ANKRD28: variants seen among roughly 807,000 people sequenced by gnomAD.
The protein encoded by ANKRD28 is serine/threonine-protein phosphatase 6 regulatory ankyrin repeat subunit A.
A neutral mutation model predicts 126.5 loss-of-function variants in ANKRD28; 44 were observed. That is an observed-to-expected ratio of 0.35 (90% CI 0.27 to 0.45). The LOEUF (loss-of-function observed/expected upper bound fraction) is 0.45. Among genes scored for constraint, ANKRD28 ranks in the 20% least tolerant of loss-of-function variants. The pLI is 1.00. For synonymous variants in ANKRD28, 442 were observed against 468.5 expected (o/e 0.94, Z 0.73); for missense variants, 1,110 against 1,316.6 (o/e 0.84, Z 2.43).
intron 2 of ANKRD28, among the ~76,000 whole-genome samples, chr3:15,783,736 A>G (rs1353802045): frequency 6.6e-6 from 1 of 152,044 alleles, no homozygotes; most frequent in African/African-American, 2.4e-5. Context: ...TCTCAAAATA[A>G]TTATGCTGAA....
At chr3:15,741,697 CTTTTTTTTTTTTTTTTTTTTTTTT>C (rs58655271) in intron 4 of ANKRD28, among the ~76,000 whole-genome samples, 18 of 33,640 alleles carry the variant, frequency 5.4e-4, no homozygotes, top group Admixed American at 1.0e-3. Context: ...TGGTTCTATC[CTTTTTTTTTTTTTTTTTTTTTTTT>C]TTTTTTTTTT....
chr3:15,752,139 T>TA (rs987401399), intron 3 of ANKRD28, among the ~76,000 whole-genome samples: 2 of 152,152 alleles, frequency 1.3e-5, no homozygotes, highest in South Asian at 2.1e-4. Flanking sequence ...GAATGTGTGT[T>TA]AAAAAAATCA....
intron 14 of ANKRD28, among the ~76,000 whole-genome samples, chr3:15,704,070 A>G (rs2071004021): frequency 6.6e-6 from 1 of 152,176 alleles, no homozygotes; most frequent in African/African-American, 2.4e-5. Context: ...GACCCACATG[A>G]CATCCTGCTC....
intron 1 of ANKRD28, among the ~76,000 whole-genome samples, chr3:15,796,155 C>T (rs2060264986): frequency 1.3e-5 from 2 of 152,064 alleles, no homozygotes; most frequent in South Asian, 4.1e-4. Context: ...TACTAATTCT[C>T]AAATTATTTT....
Position 15,675,925 on chromosome 3 carries a change from C to A in ANKRD28, c.2938G>T (p.Ala980Ser). 6.2e-7 allele frequency: 1 copy of A among 1,612,990 alleles called. No homozygotes were observed. Among genetic ancestry groups the A allele is most frequent in the Non-Finnish European group, 8.5e-7 (1 of 1,179,176 alleles). Residue 980 changes from alanine (A) to serine (S), a missense_variant, in exon 27 of 28, where the codon GCA becomes TCA. Coordinates refer to ENST00000683139, the MANE Select transcript of ANKRD28 (RefSeq NM_001349278.2). ...TTTTCATCTACTGCAAGCACACTTG[C>A]TCCTTTTCCCAAAAGTTCCTGAACC... ...MVVQELLGKGASVLAVDENGY... is the reference protein window; with the variant it reads ...MVVQELLGKGSSVLAVDENGY...
At position 15,791,102 on chromosome 3, in the gene ANKRD28, A is replaced by T. The variant is rs148148348; in HGVS notation, c.201+4121T>A. On this transcript the variant is annotated intron_variant, in intron 2 of 27. Coordinates refer to ENST00000683139, the MANE Select transcript of ANKRD28 (RefSeq NM_001349278.2). ...AAAGATCTCTATAATGGAAACAATA[A>T]AACACGAATGAAGAAAATTGAAGAG... is the stretch of plus-strand genomic sequence containing the variant. Among the ~76,000 whole-genome samples the T allele has an allele frequency of 8.9e-4, 136 of 152,278 alleles. 1 individual carries two copies. Among genetic ancestry groups the T allele is most frequent in the Non-Finnish European group, 8.8e-5 (6 of 67,994 alleles).
chr3:15,668,739 C>A lies in ANKRD28; in HGVS notation c.*1531G>T, dbSNP rs2066111143. 6.6e-6 allele frequency: 1 copy of A among 152,470 alleles called. No individual in the cohort carries two copies. The highest frequency in any genetic ancestry group is 2.1e-4 in the South Asian group (1 of 4,828). 9.4% of individuals were successfully genotyped at this position (152,470 alleles called of 1,614,324 possible). ...CATGCTCATTAATTCTTCAAAAAACCCACAAAATTATCAAATAGATCAAAA... is the reference window on the plus strand; with the variant it reads ...CATGCTCATTAATTCTTCAAAAAACACACAAAATTATCAAATAGATCAAAA... On this transcript the variant is annotated 3_prime_UTR_variant, in exon 28 of 28. Coordinates refer to ENST00000683139, the MANE Select transcript of ANKRD28 (RefSeq NM_001349278.2).
At chr3:15,688,236 TAATA>T (rs1463035802) in intron 18 of ANKRD28, among the ~76,000 whole-genome samples, 1 of 152,236 alleles carries the variant, frequency 6.6e-6, no homozygotes, top group African/African-American at 2.4e-5. Context: ...AGCTATAGAT[TAATA>T]TTTTTAAAAT....
intron 1 of ANKRD28, among the ~76,000 whole-genome samples, chr3:15,857,116 T>C (rs1431998288): frequency 6.6e-6 from 1 of 152,238 alleles, no homozygotes; most frequent in East Asian, 1.9e-4. Flanking sequence ...CAATGGCTAA[T>C]AAAACAACAT....
At chr3:15,859,559 G>T in exon 1 of ANKRD28, 1 of 441,880 alleles carries the variant, frequency 2.3e-6, no homozygotes, top group Non-Finnish European at 3.2e-6. Context: ...CGGGCAGGGG[G>T]CGGCGCCGCC....
Position 15,816,674 on chromosome 3 carries a change from A to C in ANKRD28, c.28-21368T>G, listed in dbSNP as rs951699714. On this transcript the variant is annotated intron_variant, in intron 1 of 27. Transcript: ENST00000399451. This position sits in a 1 kb window ranked among gnomAD's most constrained non-coding sequence, Gnocchi z 5.0. ...GCTAACTAACAAACATTTAAGTTAC[A>C]TGAAACTGAAAAATGTATAAGAGCA... 6.6e-6 allele frequency among the ~76,000 whole-genome samples: 1 copy of C among 152,246 alleles called. No individual in the cohort carries two copies. Among genetic ancestry groups the C allele is most frequent in the African/African-American group, 2.4e-5 (1 of 41,468 alleles).
Position 15,853,486 on chromosome 3 carries a change from T to C in ANKRD28, c.27+5891A>G, listed in dbSNP as rs544076579. 1.0e-3 allele frequency among the ~76,000 whole-genome samples: 158 copies of C among 152,334 alleles called. No homozygotes were observed. The highest frequency in any genetic ancestry group is 1.3e-3 in the Non-Finnish European group (89 of 68,030). On this transcript the variant is annotated intron_variant, in intron 1 of 27. Transcript: ENST00000399451. The surrounding 1 kb of genome is among the most constrained non-coding windows in gnomAD (Gnocchi z 4.2). Reference sequence around the variant, plus strand: ...TATGGTTTTTTTTGTTTTTTTGTTTTTGAGATGGAGTCTCATTCTGTCGCC... The same window carrying C: ...TATGGTTTTTTTTGTTTTTTTGTTTCTGAGATGGAGTCTCATTCTGTCGCC...
chr3:15,814,891 GTA>G lies in ANKRD28; in HGVS notation c.28-19587_28-19586del, dbSNP rs984245652. ...TTTATACATATATTATATATAAAAA[GTA>G]TATATATATACTTTTTTAAAGGTTA... On this transcript the variant is annotated intron_variant, in intron 1 of 27. Coordinates refer to the ANKRD28 transcript ENST00000399451. This position sits in a 1 kb window ranked among gnomAD's most constrained non-coding sequence, Gnocchi z 4.7. Among the ~76,000 whole-genome samples, 2 of 149,310 alleles carry G rather than the reference GTA, an allele frequency of 1.3e-5. No individual in the cohort carries two copies. Among genetic ancestry groups the G allele is most frequent in the East Asian group, 1.9e-4 (1 of 5,138 alleles).
intron 6 of ANKRD28, chr3:15,732,501 G>T (rs2074710265): frequency 6.6e-6 from 1 of 152,212 alleles, no homozygotes; most frequent in African/African-American, 2.4e-5. Flanking sequence ...CTGCTATTTG[G>T]TGAGAGCAGG....
intron 6 of ANKRD28, among the ~76,000 whole-genome samples, chr3:15,727,564 CAAAAAAAAAAAAAAA>C (rs59584114): frequency 4.5e-5 from 3 of 65,970 alleles, no homozygotes; most frequent in African/African-American, 7.0e-5. Context: ...GAAACTCTGT[CAAAAAAAAAAAAAAA>C]AAAAAAAAAA....
chr3:15,714,541 A>AAT, intron 9 of ANKRD28, 37 bp downstream of exon 9: 1 of 1,482,006 alleles, frequency 6.7e-7, no homozygotes, highest in Non-Finnish European at 9.1e-7. Flanking sequence ...AGAAAAAAAA[A>AAT]AAAAAACCCC....
intron 1 of ANKRD28, among the ~76,000 whole-genome samples, chr3:15,834,286 A>C (rs550120260): frequency 6.6e-6 from 1 of 152,064 alleles, no homozygotes; most frequent in African/African-American, 2.4e-5. Flanking sequence ...ATAGCTATCC[A>C]ATTTTCCCAG....
intron 21 of ANKRD28, 114 bp downstream of exon 21, chr3:15,685,112 A>G (rs2067961046): frequency 8.7e-6 from 9 of 1,029,914 alleles, no homozygotes; most frequent in Admixed American, 1.9e-5. Flanking sequence ...CCTATACAGT[A>G]GATTATTCCC....
At chr3:15,852,854 AAAG>A (rs1354889819) in intron 1 of ANKRD28, among the ~76,000 whole-genome samples, 1 of 151,556 alleles carries the variant, frequency 6.6e-6, no homozygotes, top group Non-Finnish European at 1.5e-5. Flanking sequence ...AAAAAAAAAA[AAAG>A]AATGTCAACT....
Sources: allele counts gnomAD v4.1 joint callset (sites outside exome capture counted in the v4.1 genomes callset), GRCh38; gene constraint gnomAD v4.1.1; non-coding constraint Gnocchi (gnomAD v3.1); transcripts MANE v1.5; gene names NCBI Gene and HGNC (gene_info 2026-07-23, HGNC 2026-07-21).